CALD1: variants seen among roughly 807,000 people sequenced by gnomAD.
The protein encoded by CALD1 is caldesmon 1.
Under a neutral mutation model 99.9 loss-of-function variants are expected in CALD1, and 33 were observed. That is an observed-to-expected ratio of 0.33 (90% CI 0.25 to 0.44). The LOEUF (loss-of-function observed/expected upper bound fraction) is 0.44, where lower values mean the gene tolerates loss of function less well. Ranked by LOEUF, CALD1 falls within the 20% of genes least tolerant of loss-of-function variation. CALD1 has a pLI of 1.00. For missense variants in CALD1, 861 were observed against 962.1 expected, an observed-to-expected ratio of 0.89 and a Z score of 1.39; for synonymous variants, 310 against 325.0, an observed-to-expected ratio of 0.95 and a Z score of 0.50.
chr7:134,771,350 C>T (rs867243513), intron 1 of CALD1, among the ~76,000 whole-genome samples: 16 of 152,152 alleles, frequency 1.1e-4, no homozygotes, highest in South Asian at 6.2e-4. Flanking sequence ...TGCAAATGTC[C>T]GTCCCCCTCA....
chr7:134,732,686 C>T, the CALD1 span, among the ~76,000 whole-genome samples: 1 of 152,222 alleles, frequency 6.6e-6, no homozygotes, highest in African/African-American at 2.4e-5. Flanking sequence ...AGGTTCTCTA[C>T]CTCTGTCCCC....
At chr7:134,767,369 A>G (rs569181559) in intron 1 of CALD1, among the ~76,000 whole-genome samples, 1 of 152,182 alleles carries the variant, frequency 6.6e-6, no homozygotes. Flanking sequence ...TATTTTTCCG[A>G]TCTTAAAAAT....
intron 1 of CALD1, among the ~76,000 whole-genome samples, chr7:134,841,369 C>G (rs10239750): frequency 0.11 from 17,024 of 152,102 alleles, 1,794 homozygotes; most frequent in African/African-American, 0.27. Context: ...TAACTAAAAC[C>G]CATCGATCTA....
chr7:134,749,964 T>C (rs552461232), intron 1 of CALD1, among the ~76,000 whole-genome samples: 4 of 152,212 alleles, frequency 2.6e-5, no homozygotes, highest in Admixed American at 1.3e-4. Context: ...AAGGGAACCA[T>C]AGAAACTTCA....
intron 3 of CALD1, among the ~76,000 whole-genome samples, chr7:134,876,329 G>A (rs1266942156): frequency 6.6e-6 from 1 of 152,202 alleles, no homozygotes; most frequent in Admixed American, 6.5e-5. Context: ...TGTTTGCATA[G>A]TGTGGGCCCC....
rs1227808552 is a variant in CALD1, at chr7:134,947,642, A to G, written c.1667A>G (p.Gln556Arg). 1 of 1,576,486 alleles carries G rather than the reference A, an allele frequency of 6.3e-7. No homozygotes were observed. The highest frequency in any genetic ancestry group is 1.9e-5 in the Admixed American group (1 of 53,780). Residue 556 changes from glutamine to arginine, a missense_variant, in exon 8 of 15, where the codon CAG (glutamine) becomes CGG (arginine). Gln to Arg is a conservative substitution (Grantham distance 43, BLOSUM62 1). Coordinates refer to ENST00000361675, the MANE Select transcript of CALD1 (RefSeq NM_033138.4). ...TESEEFEKLK[Q>R]KQQEAALELE... ...AGCGAAGAGTTCGAGAAGCTCAAACAGAAGCAGCAGGAGGCGGCTTTGGAG... is the reference window on the plus strand; with the variant it reads ...AGCGAAGAGTTCGAGAAGCTCAAACGGAAGCAGCAGGAGGCGGCTTTGGAG...
chr7:134,785,636 T>G (rs1292095848), intron 1 of CALD1, among the ~76,000 whole-genome samples: 1 of 152,150 alleles, frequency 6.6e-6, no homozygotes, highest in Admixed American at 6.5e-5. Context: ...CGGATCCCAT[T>G]TGGGAACTTG....
At chr7:134,876,649 A>G (rs998015191) in intron 3 of CALD1, among the ~76,000 whole-genome samples, 5 of 152,232 alleles carry the variant, frequency 3.3e-5, no homozygotes, top group African/African-American at 1.2e-4. Flanking sequence ...GTGATTTACT[A>G]CAATCCCATT....
At chr7:134,816,614 G>A (rs1196627462) in intron 1 of CALD1, among the ~76,000 whole-genome samples, 1 of 152,136 alleles carries the variant, frequency 6.6e-6, no homozygotes, top group East Asian at 1.9e-4. Context: ...TAACTCATTT[G>A]GAAGATTTAT....
rs545074201 is a variant in CALD1, at chr7:134,747,581, G to C, written c.-130+3218G>C. The stretch of plus-strand genomic sequence containing the variant: ...GCTGCCCTTCCCATCATAGGTCCTG[G>C]AGTGCAGAACAATATCAAAGGAAGG... On this transcript the variant is annotated intron_variant, in intron 1 of 13. Coordinates refer to the CALD1 transcript ENST00000417172. 5.9e-5 allele frequency among the ~76,000 whole-genome samples: 9 copies of C among 152,316 alleles called. No individual in the cohort carries two copies. In the East Asian group the frequency reaches 1.7e-3, roughly 29 times the overall value.
At chr7:134,750,533 A>G (rs1056805897) in intron 1 of CALD1, among the ~76,000 whole-genome samples, 10 of 152,148 alleles carry the variant, frequency 6.6e-5, no homozygotes, top group African/African-American at 2.4e-4. Context: ...GCTTCTGCAG[A>G]CTTAAAAATC....
intron 3 of CALD1, among the ~76,000 whole-genome samples, chr7:134,924,718 C>A (rs943137244): frequency 2.0e-5 from 3 of 152,002 alleles, no homozygotes; most frequent in Admixed American, 6.6e-5. Context: ...TATTTTGCCC[C>A]GTGATATCGT....
intron 3 of CALD1, among the ~76,000 whole-genome samples, chr7:134,909,499 AC>A (rs1803638784): frequency 6.6e-6 from 1 of 152,228 alleles, no homozygotes; most frequent in Admixed American, 6.5e-5. Context: ...CCTGGCCAAC[AC>A]AGTGAAACCC....
the CALD1 span, among the ~76,000 whole-genome samples, chr7:134,717,386 T>G: frequency 2.0e-5 from 3 of 152,064 alleles, no homozygotes; most frequent in African/African-American, 4.8e-5. Context: ...AAAAGCAGAG[T>G]GACCTTGGTA....
intron 1 of CALD1, among the ~76,000 whole-genome samples, chr7:134,751,461 C>CTTCT (rs2131561250): frequency 6.6e-6 from 1 of 152,206 alleles, no homozygotes; most frequent in Non-Finnish European, 1.5e-5. Flanking sequence ...GGTGATTGTC[C>CTTCT]TTCTTTCTTC....
the CALD1 span, among the ~76,000 whole-genome samples, chr7:134,725,868 T>C: frequency 1.3e-5 from 2 of 152,146 alleles, no homozygotes; most frequent in Non-Finnish European, 2.9e-5. Flanking sequence ...CAGAGGCACA[T>C]TGGAGTGACG....
intron 2 of CALD1, chr7:134,867,157 C>A (rs1227800435): frequency 6.6e-6 from 1 of 152,246 alleles, no homozygotes; most frequent in Admixed American, 6.5e-5. Context: ...GATGTTTATT[C>A]ATGATGTTAC....
chr7:134,789,053 T>C (rs562585231), intron 1 of CALD1, among the ~76,000 whole-genome samples: 1 of 102,662 alleles, frequency 9.7e-6, no homozygotes, highest in Non-Finnish European at 2.1e-5. Context: ...AAAAAAAAAG[T>C]CTACAATTTC....
the CALD1 span, among the ~76,000 whole-genome samples, chr7:134,724,720 A>G: frequency 6.6e-6 from 1 of 152,184 alleles, no homozygotes; most frequent in Non-Finnish European, 1.5e-5. Context: ...CCTCAGTTTC[A>G]TTGCTTGTGA....
Sources: allele counts gnomAD v4.1 joint callset (sites outside exome capture counted in the v4.1 genomes callset), GRCh38; gene constraint gnomAD v4.1.1; transcripts MANE v1.5; gene names NCBI Gene and HGNC (gene_info 2026-07-23, HGNC 2026-07-21).